Variants in ANKRD30A observed in about 807,000 individuals in gnomAD.
ANKRD30A encodes the protein ankyrin repeat domain-containing protein 30A.
Under a neutral mutation model 166.3 loss-of-function variants are expected in ANKRD30A, and 170 were observed. The ratio of observed to expected loss-of-function variants is 1.02; its 90% CI spans 0.90 to 1.16. The LOEUF is 1.16. ANKRD30A is among the 50% of genes most tolerant of loss of function. ANKRD30A has a pLI of 0.00. For synonymous variants in ANKRD30A, 564 were observed against 508.9 expected, an observed-to-expected ratio of 1.11 and a Z score of -1.46; for missense variants, 1,630 against 1,518.0, an observed-to-expected ratio of 1.07 and a Z score of -1.23.
Position 37,125,911 on chromosome 10 carries a change from A to C in ANKRD30A, c.124A>C (p.Ile42Leu), listed in dbSNP as rs372377160. 9.4e-6 allele frequency: 15 copies of C among 1,603,786 alleles called. No homozygotes were observed. The African/African-American group carries it at 1.2e-4, about 13-fold the overall frequency. The change falls in exon 1 of 36, where the codon ATC (isoleucine) becomes CTC (leucine). Residue 42 changes from isoleucine to leucine, a missense_variant. Ile to Leu is a conservative substitution (Grantham distance 5, BLOSUM62 2). Coordinates refer to ENST00000361713, the MANE Select transcript of ANKRD30A (RefSeq NM_052997.3). Reference sequence around the variant, plus strand: ...CGTCCACTCTGGGGATCTTAGAAAGATCCATAAAGCTGCCTCCCGGGGACA... The same window carrying C: ...CGTCCACTCTGGGGATCTTAGAAAGCTCCATAAAGCTGCCTCCCGGGGACA... ...YIVHSGDLRKIHKAASRGQVR... is the reference protein window; with the variant it reads ...YIVHSGDLRKLHKAASRGQVR...
chr10:37,131,596 A>T (rs1183198476), intron 3 of ANKRD30A, among the ~76,000 whole-genome samples: 4 of 152,184 alleles, frequency 2.6e-5, no homozygotes, highest in Non-Finnish European at 4.4e-5. Flanking sequence ...TTATTGATAG[A>T]AGAGAATCAA....
chr10:37,196,059 A>G (rs950128981), intron 27 of ANKRD30A, among the ~76,000 whole-genome samples: 1 of 151,538 alleles, frequency 6.6e-6, no homozygotes, highest in African/African-American at 2.4e-5. Flanking sequence ...TATGGGAAGA[A>G]TTCTACAGAG....
At chr10:37,149,061 T>A (rs1443224114) in intron 9 of ANKRD30A, among the ~76,000 whole-genome samples, 1 of 152,030 alleles carries the variant, frequency 6.6e-6, no homozygotes, top group East Asian at 1.9e-4. Flanking sequence ...TTATACATCA[T>A]CTTGCATGAG....
intron 17 of ANKRD30A, among the ~76,000 whole-genome samples, chr10:37,164,637 T>C (rs955385886): frequency 2.0e-5 from 3 of 152,162 alleles, no homozygotes; most frequent in East Asian, 1.9e-4. Context: ...AAAGTTAATA[T>C]TCCTAAAACA....
the ANKRD30A span, chr10:37,262,072 A>G: frequency 1.3e-5 from 2 of 152,246 alleles, no homozygotes; most frequent in African/African-American, 2.4e-5. Context: ...AAAGGCCTGA[A>G]TGGTTATGAA....
intron 6 of ANKRD30A, among the ~76,000 whole-genome samples, chr10:37,139,128 G>A (rs1836927698): frequency 6.6e-6 from 1 of 152,206 alleles, no homozygotes. Flanking sequence ...GCCAAACTAA[G>A]CTTCATAAGT....
At chr10:37,254,003 T>A in the ANKRD30A span, among the ~76,000 whole-genome samples, 1 of 152,238 alleles carries the variant, frequency 6.6e-6, no homozygotes, top group Non-Finnish European at 1.5e-5. Context: ...CAGCACTTCA[T>A]TAATGTTTAT....
intron 17 of ANKRD30A, 33 bp downstream of exon 17, chr10:37,162,881 A>G (rs748746663): frequency 1.9e-6 from 3 of 1,599,438 alleles, no homozygotes; most frequent in African/African-American, 1.3e-5. Context: ...GGAAAGACCA[A>G]TATTTCAATA....
intron 21 of ANKRD30A, among the ~76,000 whole-genome samples, chr10:37,172,471 T>A (rs1333041351): frequency 5.4e-5 from 7 of 130,114 alleles, no homozygotes; most frequent in African/African-American, 1.2e-4. Context: ...AGAAAGGAAA[T>A]GTTGAACAAA....
At chr10:37,141,166 T>C (rs1837076791) in intron 6 of ANKRD30A, among the ~76,000 whole-genome samples, 2 of 152,214 alleles carry the variant, frequency 1.3e-5, no homozygotes, top group Non-Finnish European at 2.9e-5. Context: ...GTGCTTACTC[T>C]GTGCCAGAAC....
chr10:37,140,647 C>A (rs1837031055), intron 6 of ANKRD30A, among the ~76,000 whole-genome samples: 1 of 152,122 alleles, frequency 6.6e-6, no homozygotes, highest in Non-Finnish European at 1.5e-5. Context: ...CAACAAGATA[C>A]TCTGTTTCTA....
chr10:37,167,478 A>C (rs1315898497), intron 19 of ANKRD30A, among the ~76,000 whole-genome samples: 1 of 151,578 alleles, frequency 6.6e-6, no homozygotes, highest in African/African-American at 2.4e-5. Flanking sequence ...GAAAACCATA[A>C]AACTCTGAAT....
chr10:37,219,509 A>G lies in ANKRD30A; in HGVS notation c.3797A>G (p.Asn1266Ser), dbSNP rs1307137022. ...AGGAAATCCAAAAGCCTAAAAATTA[A>G]TCTCAATTATGCAGGAGATGCTCTA... Reference protein sequence around the residue: ...AQRKSKSLKINLNYAGDALRE... With the variant: ...AQRKSKSLKISLNYAGDALRE... The change falls in exon 34 of 36, where the codon AAT becomes AGT. Residue 1266 changes from asparagine to serine, a missense_variant. By Grantham distance (46) the Asn-to-Ser change is conservative. This residue lies in a region of ANKRD30A where 712 missense variants were observed against 629.3 expected (regional missense o/e 1.13). Coordinates refer to ENST00000361713, the MANE Select transcript of ANKRD30A (RefSeq NM_052997.3). The G allele has an allele frequency of 3.1e-6, 5 of 1,610,262 alleles. No homozygotes were observed. The African/African-American group carries it at 6.7e-5, about 22-fold the overall frequency.
chr10:37,127,473 A>G (rs1836120442), intron 1 of ANKRD30A, among the ~76,000 whole-genome samples: 3 of 152,204 alleles, frequency 2.0e-5, no homozygotes, highest in Non-Finnish European at 1.5e-5. Context: ...GAAAAAATAA[A>G]GGGCAGCATA....
chr10:37,249,644 T>A, the ANKRD30A span, among the ~76,000 whole-genome samples: 1 of 152,206 alleles, frequency 6.6e-6, no homozygotes, highest in Non-Finnish European at 1.5e-5. Flanking sequence ...AACAGTTCTG[T>A]CATTGCAGTG....
intron 34 of ANKRD30A, among the ~76,000 whole-genome samples, chr10:37,221,621 C>A (rs1842902258): frequency 6.6e-6 from 1 of 151,194 alleles, no homozygotes; most frequent in African/African-American, 2.4e-5. Context: ...TTAAAATGTG[C>A]TTATTTTTAA....
At chr10:37,223,635 G>A (rs1842993801) in intron 34 of ANKRD30A, among the ~76,000 whole-genome samples, 1 of 151,276 alleles carries the variant, frequency 6.6e-6, no homozygotes, top group African/African-American at 2.4e-5. Context: ...ACTAATGAAA[G>A]TATAAATCAT....
intron 29 of ANKRD30A, among the ~76,000 whole-genome samples, chr10:37,198,071 C>CT (rs1259813093): frequency 6.6e-6 from 1 of 151,980 alleles, no homozygotes; most frequent in African/African-American, 2.4e-5. Flanking sequence ...GATAAACACA[C>CT]TTTTTCATGA....
chr10:37,136,641 T>C lies in ANKRD30A; in HGVS notation c.790T>C (p.Leu264=). 1 of 1,421,318 alleles carries C rather than the reference T, an allele frequency of 7.0e-7. No individual in the cohort carries two copies. The highest frequency in any genetic ancestry group is 9.7e-7 in the Non-Finnish European group (1 of 1,034,068). 88.0% of individuals were successfully genotyped at this position (1,421,318 alleles called of 1,614,324 possible). A position where few individuals can be genotyped will look rare whatever the true frequency, so the allele number is the denominator to read the frequency against. ...ACAAATTATGGAATATATACGAAAA[T>C]TATCTAAAAATCATCAAAATACCAA... The part of the protein sequence containing the change: ...HEQIMEYIRK[L]SKNHQNTNPE... Residue 264 remains leucine, a synonymous_variant, in exon 6 of 36, where the codon TTA becomes CTA. Coordinates refer to ENST00000361713, the MANE Select transcript of ANKRD30A (RefSeq NM_052997.3).
Sources: allele counts gnomAD v4.1 joint callset (sites outside exome capture counted in the v4.1 genomes callset), GRCh38; gene constraint gnomAD v4.1.1; regional missense constraint gnomAD v4.1.1; transcripts MANE v1.5; gene names NCBI Gene and HGNC (gene_info 2026-07-23, HGNC 2026-07-21).